ZFHX3: variants seen among roughly 807,000 people sequenced by gnomAD.
ZFHX3 encodes zinc finger homeobox 3, also known as zinc finger homeobox protein 3.
A neutral mutation model predicts 279.1 loss-of-function variants in ZFHX3; 42 were observed. That is an observed-to-expected ratio of 0.15 (90% CI 0.12 to 0.19). ZFHX3 has a LOEUF of 0.19. Among genes scored for constraint, ZFHX3 ranks in the 10% least tolerant of loss-of-function variants. ZFHX3 has a pLI of 1.00. For missense variants in ZFHX3, 4,981 were observed against 4,754.0 expected, an observed-to-expected ratio of 1.05 and a Z score of -1.40; for synonymous variants, 2,293 against 1,957.8, an observed-to-expected ratio of 1.17 and a Z score of -4.52.
chr16:73,055,690 G>A (rs1432133522), intron 1 of ZFHX3, among the ~76,000 whole-genome samples: 7 of 91,158 alleles, frequency 7.7e-5, no homozygotes, highest in African/African-American at 2.2e-4. Flanking sequence ...GCGCGCGCGC[G>A]CGCGCGCGCA....
At chr16:73,782,120 G>T (rs1213055052) in intron 1 of ZFHX3, among the ~76,000 whole-genome samples, 1 of 152,226 alleles carries the variant, frequency 6.6e-6, no homozygotes, top group Admixed American at 6.5e-5. Flanking sequence ...CTTTGGTCAG[G>T]AATGGTGCTT....
intron 2 of ZFHX3, among the ~76,000 whole-genome samples, chr16:73,593,311 C>A (rs1461707780): frequency 2.6e-5 from 4 of 151,722 alleles, no homozygotes; most frequent in Admixed American, 2.6e-4. Flanking sequence ...CTGACAAGTA[C>A]ATTATGAGAA....
chr16:73,487,519 G>A (rs1307094373), intron 2 of ZFHX3: 5 of 385,650 alleles, frequency 1.3e-5, no homozygotes, highest in African/African-American at 6.4e-5. Flanking sequence ...TCCCACCTCA[G>A]CCTTCTGAGT....
chr16:73,189,519 T>C (rs1157180440), intron 5 of ZFHX3, among the ~76,000 whole-genome samples: 1 of 152,230 alleles, frequency 6.6e-6, no homozygotes, highest in Non-Finnish European at 1.5e-5. Context: ...TCCATGGTTC[T>C]AAATATGCCG....
intron 1 of ZFHX3, among the ~76,000 whole-genome samples, chr16:73,801,700 G>A (rs992165917): frequency 1.3e-5 from 2 of 152,166 alleles, no homozygotes; most frequent in Non-Finnish European, 2.9e-5. Flanking sequence ...AATTCCAGAA[G>A]TGGTCAGCAT....
intron 4 of ZFHX3, among the ~76,000 whole-genome samples, chr16:73,293,211 T>G (rs1479888605): frequency 6.6e-6 from 1 of 152,140 alleles, no homozygotes; most frequent in Non-Finnish European, 1.5e-5. Context: ...AGATTAGAAT[T>G]TTTGAGAGAG....
chr16:73,453,188 T>G (rs1353257236), intron 3 of ZFHX3, among the ~76,000 whole-genome samples: 1 of 152,230 alleles, frequency 6.6e-6, no homozygotes, highest in African/African-American at 2.4e-5. Flanking sequence ...AATTACTGGG[T>G]TGTCGGTTGG....
intron 3 of ZFHX3, among the ~76,000 whole-genome samples, chr16:73,429,825 C>G (rs2017881231): frequency 6.6e-6 from 1 of 152,150 alleles, no homozygotes; most frequent in Non-Finnish European, 1.5e-5. Context: ...TCCTCGCTCC[C>G]CCACAGATGG....
intron 1 of ZFHX3, among the ~76,000 whole-genome samples, chr16:73,718,282 G>T (rs563288244): frequency 1.3e-5 from 2 of 152,198 alleles, no homozygotes; most frequent in East Asian, 3.9e-4. Context: ...GTGGTGGCAG[G>T]CACCTGTAAT....
At chr16:73,251,981 C>T (rs896641944) in intron 5 of ZFHX3, among the ~76,000 whole-genome samples, 1 of 149,160 alleles carries the variant, frequency 6.7e-6, no homozygotes, top group Non-Finnish European at 1.5e-5. Context: ...ACACATAACA[C>T]ATCACACACA....
In ZFHX3 at chr16:73,601,481, A is replaced by C. The variant is rs1051772833; in HGVS notation, c.-1547+78699T>G. Among the ~76,000 whole-genome samples the C allele has an allele frequency of 4.9e-4, 74 of 152,040 alleles. 1 individual carries two copies. The East Asian group carries it at 8.0e-3, about 16-fold the overall frequency. On this transcript the variant is annotated intron_variant, in intron 2 of 17. Transcript: ENST00000641206. ...TGAGACTCCATCTCAAAAAAAAAAA[A>C]AAAAATTGTTTGGCGCTCTATTTTA...
intron 3 of ZFHX3, among the ~76,000 whole-genome samples, chr16:73,365,314 C>G (rs917892178): frequency 6.6e-6 from 1 of 152,190 alleles, no homozygotes; most frequent in Non-Finnish European, 1.5e-5. Flanking sequence ...CAGACGAGAG[C>G]TGGTGCCCAC....
At chr16:73,296,413 C>T (rs1237555227) in intron 4 of ZFHX3, among the ~76,000 whole-genome samples, 1 of 152,140 alleles carries the variant, frequency 6.6e-6, no homozygotes, top group Non-Finnish European at 1.5e-5. Context: ...TAAACAGCAG[C>T]ATTTCCAGGC....
intron 2 of ZFHX3, among the ~76,000 whole-genome samples, chr16:73,533,422 C>T (rs2019842216): frequency 6.7e-6 from 1 of 149,168 alleles, no homozygotes; most frequent in Non-Finnish European, 1.5e-5. Context: ...CAACAGAAGG[C>T]TCTCTCTCCA....
chr16:73,600,286 G>A (rs11149919), intron 2 of ZFHX3, among the ~76,000 whole-genome samples: 82,160 of 151,990 alleles, frequency 0.54, 25,376 homozygotes, highest in East Asian at 0.79. Context: ...AACTTCCCAA[G>A]AGATGGTACC....
intron 2 of ZFHX3, among the ~76,000 whole-genome samples, chr16:73,480,506 A>G (rs2018846852): frequency 6.6e-6 from 1 of 152,110 alleles, no homozygotes; most frequent in Non-Finnish European, 1.5e-5. Context: ...CTGGGTGGTA[A>G]GTCTCTGGGA....
intron 1 of ZFHX3, chr16:73,813,818 T>C (rs1423601521): frequency 6.6e-6 from 1 of 152,246 alleles, no homozygotes; most frequent in East Asian, 1.9e-4. Context: ...GAGACACAGA[T>C]CATGGCTATC....
Position 72,787,697 on chromosome 16 carries a change from C to G in ZFHX3, c.10579G>C (p.Gly3527Arg). The G allele has an allele frequency of 8.1e-7, 1 of 1,238,476 alleles. No individual in the cohort carries two copies. Among genetic ancestry groups the G allele is most frequent in the Non-Finnish European group, 1.0e-6 (1 of 955,100 alleles). 76.7% of individuals were successfully genotyped at this position (1,238,476 alleles called of 1,614,324 possible). A position where few individuals can be genotyped will look rare whatever the true frequency, so the allele number is the denominator to read the frequency against. Residue 3527 changes from glycine (G) to arginine (R), a missense_variant, in exon 10 of 10, where the codon GGC (glycine) becomes CGC (arginine). Physicochemically the swap from Gly to Arg is moderately radical, Grantham distance 125. Coordinates refer to ENST00000268489, the MANE Select transcript of ZFHX3 (RefSeq NM_006885.4). ...GGGGGGGGGGGSYHCLACESA... is the reference protein window; with the variant it reads ...GGGGGGGGGGRSYHCLACESA... ...TCGCACGCCAGGCAGTGGTACGAGC[C>G]GCCGCCGCCGCCGCCGCCGCCACCG...
At chr16:73,382,566 G>A (rs1597310287) in intron 3 of ZFHX3, among the ~76,000 whole-genome samples, 1 of 152,112 alleles carries the variant, frequency 6.6e-6, no homozygotes, top group Admixed American at 6.5e-5. Flanking sequence ...ATTGTGGGGG[G>A]GCAGGAGGTA....
Sources: allele counts gnomAD v4.1 joint callset (sites outside exome capture counted in the v4.1 genomes callset), GRCh38; gene constraint gnomAD v4.1.1; transcripts MANE v1.5; gene names NCBI Gene and HGNC (gene_info 2026-07-23, HGNC 2026-07-21).